ADAMTSL1: variants seen among roughly 807,000 people sequenced by gnomAD.
ADAMTSL1 encodes ADAMTS like 1.
A neutral mutation model predicts 201.8 loss-of-function variants in ADAMTSL1; 126 were observed. The ratio of observed to expected loss-of-function variants is 0.62; its 90% confidence interval spans 0.54 to 0.72. The LOEUF is 0.72. Ranked by LOEUF, ADAMTSL1 falls within the 30% of genes least tolerant of loss-of-function variation. ADAMTSL1 has a pLI of 0.00. For synonymous variants in ADAMTSL1, 1,121 were observed against 903.4 expected, an observed-to-expected ratio of 1.24 and a Z score of -4.32; for missense variants, 2,679 against 2,277.8, an observed-to-expected ratio of 1.18 and a Z score of -3.59.
chr9:18,263,110 A>G (rs1444594586), intron 2 of ADAMTSL1, among the ~76,000 whole-genome samples: 1 of 152,192 alleles, frequency 6.6e-6, no homozygotes, highest in Non-Finnish European at 1.5e-5. Flanking sequence ...TATCTTTTTC[A>G]TCACAGGCCC....
chr9:18,856,818 C>T (rs1000138894), intron 23 of ADAMTSL1, among the ~76,000 whole-genome samples: 8 of 152,016 alleles, frequency 5.3e-5, no homozygotes, highest in African/African-American at 1.7e-4. Context: ...AAACTTACTG[C>T]GTTACAGACT....
intron 1 of ADAMTSL1, among the ~76,000 whole-genome samples, chr9:17,987,929 C>T (rs907087082): frequency 6.6e-6 from 1 of 152,076 alleles, no homozygotes; most frequent in African/African-American, 2.4e-5. Flanking sequence ...GACCCCATCC[C>T]AGAATCCTGG....
At chr9:18,494,168 G>A (rs1182931025) in intron 1 of ADAMTSL1, among the ~76,000 whole-genome samples, 2 of 151,998 alleles carry the variant, frequency 1.3e-5, no homozygotes, top group Admixed American at 6.6e-5. Context: ...CCAGCCTGGG[G>A]AACATGGTGA....
intron 1 of ADAMTSL1, among the ~76,000 whole-genome samples, chr9:17,991,830 A>C (rs1819163724): frequency 2.0e-5 from 3 of 152,262 alleles, no homozygotes; most frequent in South Asian, 4.1e-4. Flanking sequence ...GGAATGATTC[A>C]GCCAACTCAT....
intron 1 of ADAMTSL1, among the ~76,000 whole-genome samples, chr9:18,112,251 A>T (rs766579935): frequency 2.0e-5 from 3 of 152,078 alleles, no homozygotes; most frequent in Non-Finnish European, 4.4e-5. Flanking sequence ...TTTTTGCCTT[A>T]GTCCATCTGA....
intron 2 of ADAMTSL1, among the ~76,000 whole-genome samples, chr9:18,210,269 T>C (rs1354158571): frequency 6.6e-6 from 1 of 151,112 alleles, no homozygotes; most frequent in African/African-American, 2.4e-5. Context: ...GAGTTTTTAA[T>C]TAATACTTTA....
chr9:18,232,276 A>G (rs1347049444), intron 2 of ADAMTSL1, among the ~76,000 whole-genome samples: 2 of 151,996 alleles, frequency 1.3e-5, no homozygotes, highest in East Asian at 1.9e-4. Flanking sequence ...CTTCCCCTAG[A>G]TATCTACAAA....
chr9:18,614,264 T>A (rs1293199342), intron 4 of ADAMTSL1, among the ~76,000 whole-genome samples: 1 of 152,088 alleles, frequency 6.6e-6, no homozygotes, highest in Non-Finnish European at 1.5e-5. Flanking sequence ...GTGGGGAGGA[T>A]GTGTATCCTC....
intron 1 of ADAMTSL1, among the ~76,000 whole-genome samples, chr9:18,143,305 A>G (rs1035848634): frequency 6.6e-6 from 1 of 152,090 alleles, no homozygotes; most frequent in Non-Finnish European, 1.5e-5. Context: ...GCAATTACAC[A>G]TGGGCTCTGG....
intron 6 of ADAMTSL1, among the ~76,000 whole-genome samples, chr9:18,638,105 C>G (rs890401362): frequency 2.0e-5 from 3 of 151,910 alleles, no homozygotes; most frequent in African/African-American, 7.3e-5. Context: ...CGGTGGGATC[C>G]CCTCTGTTCT....
At position 18,401,316 on chromosome 9, in the gene ADAMTSL1, C is replaced by G. The variant is rs1030421626; in HGVS notation, c.208-103513C>G. 5.9e-5 allele frequency among the ~76,000 whole-genome samples: 9 copies of G among 152,188 alleles called. No individual in the cohort carries two copies. In the South Asian group the frequency reaches 6.2e-4, roughly 11 times the overall value. On this transcript the variant is annotated intron_variant, in intron 2 of 29. Transcript: ENST00000680146. ...TAAAAATCCACATTATACCTCTTCT[C>G]TATTGCATGGCTTCTGGCTACTCAC...
At chr9:18,525,218 T>C (rs1818960616) in intron 2 of ADAMTSL1, among the ~76,000 whole-genome samples, 1 of 152,228 alleles carries the variant, frequency 6.6e-6, no homozygotes, top group Non-Finnish European at 1.5e-5. Context: ...GATTTTCTAC[T>C]TTATTTGCAT....
intron 2 of ADAMTSL1, among the ~76,000 whole-genome samples, chr9:18,332,472 A>G (rs911569276): frequency 2.0e-5 from 3 of 151,920 alleles, no homozygotes; most frequent in African/African-American, 7.3e-5. Flanking sequence ...TTTTTTAGAG[A>G]CAAAATCCTG....
chr9:18,295,324 T>A (rs61579088), intron 2 of ADAMTSL1, among the ~76,000 whole-genome samples: 9,977 of 151,702 alleles, frequency 0.066, 1,091 homozygotes, highest in African/African-American at 0.23. Flanking sequence ...GGATGGAGAT[T>A]TTGACTGCAA....
intron 15 of ADAMTSL1, among the ~76,000 whole-genome samples, chr9:18,738,071 C>T (rs1390604701): frequency 6.6e-6 from 1 of 152,068 alleles, no homozygotes; most frequent in Non-Finnish European, 1.5e-5. Context: ...ATGTGAGTTC[C>T]TGGTTAATTA....
At chr9:18,519,097 C>T (rs888255128) in intron 2 of ADAMTSL1, among the ~76,000 whole-genome samples, 1 of 152,196 alleles carries the variant, frequency 6.6e-6, no homozygotes, top group Admixed American at 6.5e-5. Context: ...CCAACTTCAC[C>T]TGTACCCCCT....
intron 2 of ADAMTSL1, among the ~76,000 whole-genome samples, chr9:18,426,571 C>T (rs1181024331): frequency 2.6e-5 from 4 of 152,076 alleles, no homozygotes; most frequent in Non-Finnish European, 5.9e-5. Flanking sequence ...ATTTTCTAGG[C>T]ATTTTAAGTT....
chr9:18,088,399 A>G (rs1211902177), intron 1 of ADAMTSL1, among the ~76,000 whole-genome samples: 1 of 152,194 alleles, frequency 6.6e-6, no homozygotes, highest in African/African-American at 2.4e-5. Flanking sequence ...GACAAGTCAC[A>G]CCACATCACA....
chr9:18,705,824 T>C (rs558993706), intron 13 of ADAMTSL1, among the ~76,000 whole-genome samples: 72 of 152,220 alleles, frequency 4.7e-4, no homozygotes, highest in East Asian at 7.7e-4. Flanking sequence ...TCCTTAAATA[T>C]CTCCAAGGGC....
Sources: gnomAD v4.1 joint callset for allele counts (sites outside exome capture counted in the v4.1 genomes callset) on GRCh38, gnomAD v4.1.1 for gene constraint, MANE v1.5 for transcripts, NCBI Gene and HGNC (gene_info 2026-07-23, HGNC 2026-07-21) for gene names.